Variants in NAV2 observed in about 807,000 individuals in gnomAD.
NAV2 encodes the protein helicase, APC down-regulated 1.
NAV2 carries 54 observed loss-of-function variants against 223.2 expected under a neutral mutation model. The ratio of observed to expected loss-of-function variants is 0.24; its 90% confidence interval spans 0.19 to 0.30. The LOEUF (loss-of-function observed/expected upper bound fraction) is 0.30. Among genes scored for constraint, NAV2 ranks in the 10% least tolerant of loss-of-function variants. The pLI is 1.00. For missense variants in NAV2, 2,806 were observed against 3,147.5 expected, an observed-to-expected ratio of 0.89 and a Z score of 2.60; for synonymous variants, 1,279 against 1,239.3, an observed-to-expected ratio of 1.03 and a Z score of -0.67.
intron 1 of NAV2, among the ~76,000 whole-genome samples, chr11:19,701,277 G>A (rs910356466): frequency 2.0e-5 from 3 of 152,140 alleles, no homozygotes; most frequent in Non-Finnish European, 4.4e-5. Flanking sequence ...GGAGATCAAA[G>A]GCAAGGAAAG....
chr11:19,479,463 G>A (rs1376448860), intron 1 of NAV2, among the ~76,000 whole-genome samples: 1 of 152,150 alleles, frequency 6.6e-6, no homozygotes, highest in Non-Finnish European at 1.5e-5. Flanking sequence ...AGTGCTTTAT[G>A]TATATCCTTT....
chr11:19,620,553 C>T (rs1318448090), intron 1 of NAV2, among the ~76,000 whole-genome samples: 1 of 151,858 alleles, frequency 6.6e-6, no homozygotes, highest in African/African-American at 2.4e-5. Context: ...ATGATTTGGC[C>T]CTCTGTTTGT....
chr11:19,598,144 G>A (rs2046256300), intron 1 of NAV2, among the ~76,000 whole-genome samples: 1 of 152,242 alleles, frequency 6.6e-6, no homozygotes, highest in South Asian at 2.1e-4. Flanking sequence ...CGGCTTTTGG[G>A]AGCAGGGAGA....
chr11:19,581,669 T>A (rs1394279050), intron 1 of NAV2, among the ~76,000 whole-genome samples: 4 of 152,210 alleles, frequency 2.6e-5, no homozygotes, highest in Non-Finnish European at 5.9e-5. Flanking sequence ...TCCAGCTTCA[T>A]CCATGTCCCT....
chr11:20,080,036 T>A (rs200734478), intron 24 of NAV2, 28 bp from the exon 25 acceptor site: 19 of 1,610,536 alleles, frequency 1.2e-5, no homozygotes, highest in Non-Finnish European at 1.5e-5. Context: ...GGTTGGCAGC[T>A]GCTGAAACAC....
At chr11:19,847,016 G>A (rs960072556) in intron 3 of NAV2, among the ~76,000 whole-genome samples, 4 of 152,276 alleles carry the variant, frequency 2.6e-5, no homozygotes, top group East Asian at 1.9e-4. Context: ...ATAAGTTTGC[G>A]TGTGTGCGTC....
At chr11:19,965,139 TCTAGGAA>T (rs753270262) in intron 10 of NAV2, among the ~76,000 whole-genome samples, 1 of 152,034 alleles carries the variant, frequency 6.6e-6, no homozygotes, top group South Asian at 2.1e-4. Context: ...ATCTCTATGT[TCTAGGAA>T]CTCCTCTTCC....
At chr11:19,551,570 T>C (rs1019006949) in intron 1 of NAV2, among the ~76,000 whole-genome samples, 6 of 152,242 alleles carry the variant, frequency 3.9e-5, no homozygotes, top group African/African-American at 1.4e-4. Flanking sequence ...CCTGTTATGT[T>C]GCAGAACATT....
intron 1 of NAV2, among the ~76,000 whole-genome samples, chr11:19,536,386 C>G (rs2044190340): frequency 6.6e-6 from 1 of 152,060 alleles, no homozygotes; most frequent in African/African-American, 2.4e-5. Flanking sequence ...TTTCTAAGCC[C>G]CGTATGGAAG....
chr11:19,564,287 G>A (rs1294910166), intron 1 of NAV2, among the ~76,000 whole-genome samples: 3 of 152,330 alleles, frequency 2.0e-5, no homozygotes, highest in African/African-American at 7.2e-5. Flanking sequence ...GCTGGGATCA[G>A]CGTTTCTTCT....
At chr11:20,068,764 G>T (rs750362642) in intron 22 of NAV2, among the ~76,000 whole-genome samples, 13 of 152,252 alleles carry the variant, frequency 8.5e-5, no homozygotes, top group Admixed American at 2.6e-4. Context: ...AGGAAAGAAG[G>T]GGGAAGAAAA....
chr11:19,543,019 G>A (rs999286202), intron 1 of NAV2, among the ~76,000 whole-genome samples: 3 of 152,218 alleles, frequency 2.0e-5, no homozygotes, highest in African/African-American at 7.2e-5. Context: ...CTAAGTGTGA[G>A]AACTGCCTGA....
intron 1 of NAV2, among the ~76,000 whole-genome samples, chr11:19,418,050 A>G (rs1259784041): frequency 2.0e-5 from 3 of 152,180 alleles, no homozygotes; most frequent in Non-Finnish European, 4.4e-5. Flanking sequence ...GCAAACCATC[A>G]TGGCATGTGT....
At chr11:19,554,163 C>A (rs953823837) in intron 1 of NAV2, among the ~76,000 whole-genome samples, 4 of 152,206 alleles carry the variant, frequency 2.6e-5, no homozygotes, top group African/African-American at 7.2e-5. Flanking sequence ...GGCCTGAAAT[C>A]GTGCTATGAC....
chr11:19,524,816 T>A (rs112182734), intron 1 of NAV2, among the ~76,000 whole-genome samples: 92 of 152,364 alleles, frequency 6.0e-4, no homozygotes, highest in African/African-American at 1.9e-3. Context: ...TCCTGCTAAT[T>A]CTTTACAAGC....
chr11:20,082,572 G>C, intron 25 of NAV2: 13 of 1,612,872 alleles, frequency 8.1e-6, no homozygotes, highest in Non-Finnish European at 1.1e-5. Flanking sequence ...CCCCATTTTT[G>C]CTTGCGTTTT....
At chr11:19,555,534 G>A (rs1315662574) in intron 1 of NAV2, among the ~76,000 whole-genome samples, 4 of 152,150 alleles carry the variant, frequency 2.6e-5, no homozygotes, top group Admixed American at 6.5e-5. Context: ...ACTCCAACCC[G>A]TATGAGTTTT....
At chr11:20,103,166 G>A in intron 32 of NAV2, 89 bp from the exon 33 acceptor site, 1 of 1,317,848 alleles carries the variant, frequency 7.6e-7, no homozygotes, top group African/African-American at 1.5e-5. Context: ...TGCCTCCACT[G>A]GCCTGGGTGA....
intron 1 of NAV2, among the ~76,000 whole-genome samples, chr11:19,765,592 G>C (rs1244999817): frequency 6.6e-6 from 1 of 152,150 alleles, no homozygotes; most frequent in Non-Finnish European, 1.5e-5. Context: ...GCAGTTTGCT[G>C]ACTCTTGCTC....
Sources: allele counts gnomAD v4.1 joint callset (sites outside exome capture counted in the v4.1 genomes callset), GRCh38; gene constraint gnomAD v4.1.1; transcripts MANE v1.5; gene names NCBI Gene and HGNC (gene_info 2026-07-23, HGNC 2026-07-21).